Variants in ADAMTSL1 observed in about 807,000 individuals in gnomAD.
The protein encoded by ADAMTSL1 is ADAMTS-like protein 1.
In ADAMTSL1, 126 loss-of-function variants were observed where a neutral mutation model predicts 201.8. That is an observed-to-expected ratio of 0.62 (90% CI 0.54 to 0.72). The LOEUF (loss-of-function observed/expected upper bound fraction) is 0.72. ADAMTSL1 is among the 30% of genes least tolerant of loss of function. ADAMTSL1 has a pLI of 0.00. For synonymous variants in ADAMTSL1, 1,121 were observed against 903.4 expected, an observed-to-expected ratio of 1.24 and a Z score of -4.32; for missense variants, 2,679 against 2,277.8, an observed-to-expected ratio of 1.18 and a Z score of -3.59.
chr9:18,301,956 C>A (rs1833724356), intron 2 of ADAMTSL1, among the ~76,000 whole-genome samples: 1 of 152,130 alleles, frequency 6.6e-6, no homozygotes, highest in South Asian at 2.1e-4. Flanking sequence ...ATCTTCAAGT[C>A]CCCTGCACCT....
chr9:18,728,394 C>A (rs762501035), intron 15 of ADAMTSL1, among the ~76,000 whole-genome samples: 19 of 152,134 alleles, frequency 1.2e-4, no homozygotes, highest in African/African-American at 4.3e-4. Flanking sequence ...TTTATATAGA[C>A]CGTTGGTTAA....
intron 20 of ADAMTSL1, among the ~76,000 whole-genome samples, chr9:18,809,697 G>A (rs1412530349): frequency 6.6e-6 from 1 of 152,146 alleles, no homozygotes; most frequent in East Asian, 1.9e-4. Flanking sequence ...ACTGAGGCAG[G>A]AGAATTACTT....
chr9:18,105,379 A>G (rs553552922), intron 1 of ADAMTSL1, among the ~76,000 whole-genome samples: 36 of 152,322 alleles, frequency 2.4e-4, no homozygotes, highest in Non-Finnish European at 4.4e-4. Flanking sequence ...AACGTCTCTG[A>G]CACTTGCCCA....
chr9:18,224,815 A>C (rs73424983), intron 2 of ADAMTSL1, among the ~76,000 whole-genome samples: 4 of 152,138 alleles, frequency 2.6e-5, no homozygotes, highest in African/African-American at 9.7e-5. Flanking sequence ...GGATTATACT[A>C]TACTGACAGT....
At chr9:18,089,341 C>T (rs780830958) in intron 1 of ADAMTSL1, among the ~76,000 whole-genome samples, 2 of 151,982 alleles carry the variant, frequency 1.3e-5, no homozygotes, top group African/African-American at 2.4e-5. Context: ...TGGGAACCAT[C>T]GTTCTCAGCA....
Position 18,817,242 on chromosome 9 carries a change from G to A in ADAMTSL1, c.3934+5G>A. 1 of 1,552,194 alleles carries A rather than the reference G, an allele frequency of 6.4e-7. No homozygotes were observed. The highest frequency in any genetic ancestry group is 8.7e-7 in the Non-Finnish European group (1 of 1,147,344). On this transcript the variant is annotated splice_donor_5th_base_variant and intron_variant, in intron 21 of 28. Coordinates refer to ENST00000380548, the MANE Select transcript of ADAMTSL1 (RefSeq NM_001040272.6). The stretch of plus-strand genomic sequence containing the variant: ...CAATCAACTGCCAGGTTGCAGGTGA[G>A]AAATTAATGTTCATTTGTTCACACG...
At chr9:18,170,731 G>T (rs1292771701) in intron 2 of ADAMTSL1, among the ~76,000 whole-genome samples, 1 of 152,006 alleles carries the variant, frequency 6.6e-6, no homozygotes, top group Non-Finnish European at 1.5e-5. Context: ...TAAACTACTG[G>T]TTAGCAGGCC....
At chr9:18,015,141 G>A (rs1284350426) in intron 1 of ADAMTSL1, among the ~76,000 whole-genome samples, 1 of 151,992 alleles carries the variant, frequency 6.6e-6, no homozygotes, top group Non-Finnish European at 1.5e-5. Context: ...TTGATCTAGG[G>A]AAGTGAGACT....
intron 3 of ADAMTSL1, among the ~76,000 whole-genome samples, chr9:18,571,582 A>G (rs1822304410): frequency 1.3e-5 from 2 of 152,332 alleles, no homozygotes; most frequent in South Asian, 4.1e-4. Flanking sequence ...TTCAATGACC[A>G]GGAACTTGTG....
At chr9:17,958,891 T>C (rs1038858848) in intron 1 of ADAMTSL1, among the ~76,000 whole-genome samples, 3 of 152,154 alleles carry the variant, frequency 2.0e-5, no homozygotes, top group African/African-American at 7.2e-5. Flanking sequence ...AGAAAATCCA[T>C]GTCATTTGGG....
chr9:17,982,679 C>T lies in ADAMTSL1; in HGVS notation c.87+75757C>T, dbSNP rs150270348. Among the ~76,000 whole-genome samples the T allele has an allele frequency of 7.9e-5, 12 of 152,078 alleles. No individual in the cohort carries two copies. In the East Asian group the frequency reaches 1.7e-3, roughly 22 times the overall value. ...AGGATATAGTCCAGCAAACTGAGTG[C>T]GTGGAATCACAGGCTCAGTTTAAAT... On this transcript the variant is annotated intron_variant, in intron 1 of 29. Transcript: ENST00000680146.
chr9:18,800,330 C>G (rs916667376), intron 20 of ADAMTSL1, among the ~76,000 whole-genome samples: 1 of 140,950 alleles, frequency 7.1e-6, no homozygotes, highest in African/African-American at 2.7e-5. Flanking sequence ...TGAGCCAAGA[C>G]CATGCCACTG....
At chr9:17,982,045 TTTATGAATAAATCACACTACTTGC>T (rs1818728137) in intron 1 of ADAMTSL1, among the ~76,000 whole-genome samples, 1 of 152,198 alleles carries the variant, frequency 6.6e-6, no homozygotes, top group African/African-American at 2.4e-5. Flanking sequence ...GAAGGCCTGG[TTTATGAATAAATCACACTACTTGC>T]TTAAACATTT....
chr9:18,723,179 A>G (rs1022949305), intron 15 of ADAMTSL1: 7 of 710,152 alleles, frequency 9.9e-6, no homozygotes, highest in African/African-American at 3.5e-5. Context: ...GTACCTGATG[A>G]TCTGAGATCC....
intron 2 of ADAMTSL1, among the ~76,000 whole-genome samples, chr9:18,248,664 C>G (rs1412257295): frequency 1.3e-5 from 2 of 152,140 alleles, no homozygotes; most frequent in Admixed American, 1.3e-4. Context: ...CTTCCACGTG[C>G]CGTTCATTCA....
Position 18,224,004 on chromosome 9 carries a change from G to T in ADAMTSL1, c.207+60023G>T, listed in dbSNP as rs375667918. ...TGTTAGGAATACAGATTCCAGAGAA[G>T]TATAAGTAAAAGCATTCTTTTTTTT... On this transcript the variant is annotated intron_variant, in intron 2 of 29. Transcript: ENST00000680146. Among the ~76,000 whole-genome samples, 15 of 152,168 alleles carry T rather than the reference G, an allele frequency of 9.9e-5. No homozygotes were observed. In the East Asian group the frequency reaches 1.9e-3, roughly 20 times the overall value.
intron 23 of ADAMTSL1, among the ~76,000 whole-genome samples, chr9:18,886,162 ATG>A (rs558491553): frequency 0.27 from 15,378 of 57,170 alleles, 2,213 homozygotes; most frequent in African/African-American, 0.35. Flanking sequence ...GTGAGTGTGT[ATG>A]TGTATATATA....
chr9:18,544,422 G>A (rs573165988), intron 3 of ADAMTSL1, among the ~76,000 whole-genome samples: 2 of 152,128 alleles, frequency 1.3e-5, no homozygotes, highest in African/African-American at 2.4e-5. Flanking sequence ...CATATGAAAG[G>A]GAATATATTA....
chr9:18,777,193 G>A lies in ADAMTSL1; in HGVS notation c.2964G>A (p.Pro988=), dbSNP rs768211626. The A allele has an allele frequency of 5.0e-6, 8 of 1,612,848 alleles. No homozygotes were observed. The highest frequency in any genetic ancestry group is 6.8e-6 in the Non-Finnish European group (8 of 1,179,802). Residue 988 remains proline, a synonymous_variant, in exon 19 of 29, where the codon CCG becomes CCA. Coordinates refer to ENST00000380548, the MANE Select transcript of ADAMTSL1 (RefSeq NM_001040272.6). The part of the protein sequence containing the change: ...EEVLAGRKGG[P]KEALQTHKHQ... ...TGCTTGCGGGGAGGAAGGGCGGCCC[G>A]AAGGAGGCCCTGCAGACCCACAAAC... is the stretch of plus-strand genomic sequence containing the variant.
Sources: allele counts gnomAD v4.1 joint callset (sites outside exome capture counted in the v4.1 genomes callset), GRCh38; gene constraint gnomAD v4.1.1; transcripts MANE v1.5; gene names NCBI Gene and HGNC (gene_info 2026-07-23, HGNC 2026-07-21).